The following PLEKHG6 variants were observed in gnomAD, a reference collection of about 807,000 sequenced individuals.
PLEKHG6 encodes pleckstrin homology domain-containing family G member 6.
In PLEKHG6, 91 loss-of-function variants were observed where a neutral mutation model predicts 97.5. The observed-to-expected ratio is 0.93, with a 90% CI of 0.79 to 1.11. PLEKHG6 has a LOEUF of 1.11. Among genes scored for constraint, PLEKHG6 ranks in the 50% most tolerant of loss-of-function variants. PLEKHG6 has a pLI of 0.00. For missense variants in PLEKHG6, 1,044 were observed against 1,031.0 expected (o/e 1.01, Z -0.17); for synonymous variants, 466 against 425.5 (o/e 1.10, Z -1.17).
chr12:6,318,008 G>T lies in PLEKHG6; in HGVS notation c.1155+14G>T. The T allele has an allele frequency of 1.3e-6, 2 of 1,579,146 alleles. No homozygotes were observed. Among genetic ancestry groups the T allele is most frequent in the South Asian group, 1.2e-5 (1 of 86,286 alleles). On this transcript the variant is annotated intron_variant, in intron 10 of 15. Coordinates refer to ENST00000684764, the MANE Select transcript of PLEKHG6 (RefSeq NM_001384598.1). ...GAGGTGGAGAAGGTGAGAGGGCAAA[G>T]GGAAGGGACCCAGGAAAAGCAAGGT...
At chr12:6,324,762 C>A (rs553418387) in intron 13 of PLEKHG6, among the ~76,000 whole-genome samples, 1 of 152,190 alleles carries the variant, frequency 6.6e-6, no homozygotes, top group African/African-American at 2.4e-5. Context: ...TCATCCATTT[C>A]GTCTCTTGTC....
Position 6,318,781 on chromosome 12 carries a change from C to T in PLEKHG6, c.1312C>T (p.Leu438Phe). Residue 438 changes from leucine (L) to phenylalanine (F), a missense_variant, in exon 12 of 16, where the codon CTT becomes TTT. Coordinates refer to ENST00000684764, the MANE Select transcript of PLEKHG6 (RefSeq NM_001384598.1). ...CCTGTTCCTCTTCTCTGATGTGCTCCTTGTGACCAAGCCCCAGCGCAAGGC... is the reference window on the plus strand; with the variant it reads ...CCTGTTCCTCTTCTCTGATGTGCTCTTTGTGACCAAGCCCCAGCGCAAGGC... ...VYLFLFSDVL[L>F]VTKPQRKADK... The T allele has an allele frequency of 6.2e-7, 1 of 1,614,150 alleles. No individual in the cohort carries two copies. The highest frequency in any genetic ancestry group is 8.5e-7 in the Non-Finnish European group (1 of 1,180,008).
At position 6,319,389 on chromosome 12, in the gene PLEKHG6, A is replaced by G. The variant is rs1199649252; in HGVS notation, c.1524+281A>G. ...CTTGAGCCCGGGAAGTGGAGGTTGC[A>G]GTGACCTGAGATCGTGCCACTGCAC... On this transcript the variant is annotated intron_variant, in intron 13 of 15. Coordinates refer to ENST00000684764, the MANE Select transcript of PLEKHG6 (RefSeq NM_001384598.1). 3 of 751,636 alleles carry G rather than the reference A, an allele frequency of 4.0e-6. No individual in the cohort carries two copies. The African/African-American group carries it at 5.3e-5, about 13-fold the overall frequency. The allele number at this position is 751,636 out of a possible 1,614,324, so 46.6% of individuals were successfully genotyped here.
At position 6,317,539 on chromosome 12, in the gene PLEKHG6, C is replaced by T; in HGVS notation, c.868-8C>T. On this transcript the variant is annotated splice_polypyrimidine_tract_variant and splice_region_variant and intron_variant, in intron 8 of 15. Transcript: ENST00000684764. ...GCAAACCCTGAGCCCCACCCACCTT[C>T]CCTGCAGTGGTGTGAGAAGCACAAG... 6.2e-7 allele frequency: 1 copy of T among 1,613,208 alleles called. No individual in the cohort carries two copies. Among genetic ancestry groups the T allele is most frequent in the Non-Finnish European group, 8.5e-7 (1 of 1,179,684 alleles).
rs1947406748 is a variant in PLEKHG6 at position 6,315,045 on chromosome 12, C to A, written c.335C>A (p.Thr112Asn). The A allele has an allele frequency of 6.2e-7, 1 of 1,613,988 alleles. No homozygotes were observed. Among genetic ancestry groups the A allele is most frequent in the Non-Finnish European group, 8.5e-7 (1 of 1,180,032 alleles). The change falls in exon 4 of 16, where the codon ACT becomes AAT. Residue 112 changes from threonine to asparagine, a missense_variant. Coordinates refer to ENST00000684764, the MANE Select transcript of PLEKHG6 (RefSeq NM_001384598.1). This position sits in a 1 kb window ranked among gnomAD's most constrained non-coding sequence, Gnocchi z 4.5. ...CATGAGCTGGAGGTGAGGCTGCACA[C>A]TTTCAGCATGTTTGGGATGCCCCGG... ...KAHELEVRLH[T>N]FSMFGMPRLP...
chr12:6,321,576 C>A (rs574587493), intron 13 of PLEKHG6, among the ~76,000 whole-genome samples: 1 of 151,430 alleles, frequency 6.6e-6, no homozygotes, highest in Non-Finnish European at 1.5e-5. Context: ...CGGTGGCTCA[C>A]GCCTGTAATC....
intron 11 of PLEKHG6, 25 bp from the exon 12 acceptor site, chr12:6,318,720 C>T (rs1265350505): frequency 6.2e-7 from 1 of 1,611,390 alleles, no homozygotes; most frequent in South Asian, 1.1e-5. Flanking sequence ...GACCCTGTCT[C>T]TTTCCCCTAC....
chr12:6,312,101 G>T (rs78697951), intron 1 of PLEKHG6, 58 bp from the exon 2 acceptor site: 4 of 698,452 alleles, frequency 5.7e-6, no homozygotes, highest in South Asian at 5.8e-5. Flanking sequence ...TTGGTCTCCC[G>T]CCTGGTGCCA....
In PLEKHG6 at chr12:6,327,724, A is replaced by G; in HGVS notation, c.2141A>G (p.Glu714Gly). Residue 714 changes from glutamate to glycine, a missense_variant, in exon 15 of 16, where the codon GAG becomes GGG. Coordinates refer to ENST00000684764, the MANE Select transcript of PLEKHG6 (RefSeq NM_001384598.1). ...AGESPWESSG[E>G]EEEEGPLFLK... ...GAAAGCCCCTGGGAGTCCTCAGGGG[A>G]GGAGGAAGAAGAGGGGCCTCTGTTC... The G allele has an allele frequency of 6.4e-7, 1 of 1,554,554 alleles. No individual in the cohort carries two copies. The highest frequency in any genetic ancestry group is 8.7e-7 in the Non-Finnish European group (1 of 1,153,398).
intron 13 of PLEKHG6, among the ~76,000 whole-genome samples, chr12:6,323,572 TGAG>T (rs1441438704): frequency 6.6e-6 from 1 of 152,064 alleles, no homozygotes; most frequent in Non-Finnish European, 1.5e-5. Context: ...GCCCAGGGAC[TGAG>T]AAGAGGAAAA....
Position 6,315,459 on chromosome 12 carries a change from T to C in PLEKHG6, c.460-95T>C. ...AGGTCATGGTCATGCACAAAGTGCC[T>C]AGAACCTATGAAGTGGATCCGGTCG... is the stretch of plus-strand genomic sequence containing the variant. On this transcript the variant is annotated intron_variant, in intron 4 of 15. Coordinates refer to ENST00000684764, the MANE Select transcript of PLEKHG6 (RefSeq NM_001384598.1). The surrounding 1 kb of genome is among the most constrained non-coding windows in gnomAD (Gnocchi z 4.5). 2.4e-6 allele frequency: 2 copies of C among 830,146 alleles called. No individual in the cohort carries two copies. The highest frequency in any genetic ancestry group is 3.5e-5 in the South Asian group (2 of 57,888). 51.4% of individuals were successfully genotyped at this position (830,146 alleles called of 1,614,324 possible). A position where few individuals can be genotyped will look rare whatever the true frequency, so the allele number is the denominator to read the frequency against.
Position 6,315,742 on chromosome 12 carries a change from G to T in PLEKHG6, c.555+93G>T. 1.6e-6 allele frequency: 2 copies of T among 1,220,588 alleles called. No homozygotes were observed. The highest frequency in any genetic ancestry group is 1.2e-6 in the Non-Finnish European group (1 of 863,812). 75.6% of individuals were successfully genotyped at this position (1,220,588 alleles called of 1,614,324 possible). ...AAGGCAGGTCACTGGGGGAGGGAGG[G>T]GCAGGATTTCAGGCCAGTCTGGGAT... is the stretch of plus-strand genomic sequence containing the variant. On this transcript the variant is annotated intron_variant, in intron 5 of 15. Coordinates refer to ENST00000684764, the MANE Select transcript of PLEKHG6 (RefSeq NM_001384598.1). The surrounding 1 kb of genome is among the most constrained non-coding windows in gnomAD (Gnocchi z 4.5).
In PLEKHG6 at chr12:6,316,020, C is replaced by G; in HGVS notation, c.606+101C>G. 1 of 1,169,608 alleles carries G rather than the reference C, an allele frequency of 8.5e-7. No homozygotes were observed. Among genetic ancestry groups the G allele is most frequent in the Non-Finnish European group, 1.2e-6 (1 of 828,588 alleles). 72.5% of individuals were successfully genotyped at this position (1,169,608 alleles called of 1,614,324 possible). A position where few individuals can be genotyped will look rare whatever the true frequency, so the allele number is the denominator to read the frequency against. On this transcript the variant is annotated intron_variant, in intron 6 of 15. Coordinates refer to ENST00000684764, the MANE Select transcript of PLEKHG6 (RefSeq NM_001384598.1). This position sits in a 1 kb window ranked among gnomAD's most constrained non-coding sequence, Gnocchi z 4.1. ...ATCCCTGTCTGAATTCCCACTGCCC[C>G]GTTTTTTGGGATGCCTTGCCCTCCC... is the stretch of plus-strand genomic sequence containing the variant.
At chr12:6,319,571 A>G in intron 13 of PLEKHG6, 2 of 1,535,614 alleles carry the variant, frequency 1.3e-6, no homozygotes, top group South Asian at 1.2e-5. Context: ...TGTGCCCCAG[A>G]GAGGGAGGCA....
chr12:6,323,000 C>T (rs1947750897), intron 13 of PLEKHG6, among the ~76,000 whole-genome samples: 1 of 152,258 alleles, frequency 6.6e-6, no homozygotes, highest in Non-Finnish European at 1.5e-5. Flanking sequence ...CCCAGGATAG[C>T]CAGTGGGGCT....
At chr12:6,311,932 G>A (rs1007667545) in intron 1 of PLEKHG6, among the ~76,000 whole-genome samples, 1 of 152,122 alleles carries the variant, frequency 6.6e-6, no homozygotes, top group African/African-American at 2.4e-5. Context: ...TGTGAGAGAG[G>A]AGGTACATCT....
Position 6,327,426 on chromosome 12 carries a change from C to T in PLEKHG6, c.1843C>T (p.Arg615Trp), listed in dbSNP as rs746952481. Reference protein sequence around the residue: ...LSRLRQRALRRDPRLTFSTLE... With the variant: ...LSRLRQRALRWDPRLTFSTLE... ...CCGTCTACGCCAAAGAGCCCTTCGG[C>T]GGGACCCTCGCCTCACCTTCTCCAC... The change falls in exon 15 of 16, where the codon CGG (arginine) becomes TGG (tryptophan). Residue 615 changes from arginine to tryptophan, a missense_variant. Coordinates refer to ENST00000684764, the MANE Select transcript of PLEKHG6 (RefSeq NM_001384598.1). 6 of 1,613,976 alleles carry T rather than the reference C, an allele frequency of 3.7e-6. No homozygotes were observed. Among genetic ancestry groups the T allele is most frequent in the South Asian group, 2.2e-5 (2 of 91,072 alleles).
Position 6,327,491 on chromosome 12 carries a change from C to CCCCCCCCCCA in PLEKHG6, c.1908_1909insCCCCCCCCCA (p.Asp637ProfsTer36). On this transcript the variant is annotated frameshift_variant, in exon 15 of 16. Coordinates refer to ENST00000684764, the MANE Select transcript of PLEKHG6 (RefSeq NM_001384598.1). LOFTEE classifies it high-confidence loss of function. ...ACATCCCTCTGCGTCCCCACCCTCC[C>CCCCCCCCCCA]GACCCCCAAGCTCCTCAACGCCGAA... The CCCCCCCCCCA allele has an allele frequency of 6.3e-7, 1 of 1,589,430 alleles. No homozygotes were observed. Among genetic ancestry groups the CCCCCCCCCCA allele is most frequent in the Non-Finnish European group, 8.6e-7 (1 of 1,164,854 alleles).
chr12:6,321,925 G>A (rs188402020), intron 13 of PLEKHG6, among the ~76,000 whole-genome samples: 273 of 152,058 alleles, frequency 1.8e-3, no homozygotes, highest in Non-Finnish European at 3.1e-3. Context: ...TTCAGACACC[G>A]GTCCTACCAG....
Sources: allele counts gnomAD v4.1 joint callset (sites outside exome capture counted in the v4.1 genomes callset), GRCh38; gene constraint gnomAD v4.1.1; non-coding constraint Gnocchi (gnomAD v3.1); transcripts MANE v1.5; gene names NCBI Gene and HGNC (gene_info 2026-07-23, HGNC 2026-07-21).